Variants in RASA1 observed in about 807,000 individuals in gnomAD.
RASA1 encodes the protein RAS p21 protein activator 1, also known as ras GTPase-activating protein 1.
Under a neutral mutation model 132.2 loss-of-function variants are expected in RASA1, and 25 were observed. That is an observed-to-expected ratio of 0.19 (90% CI 0.14 to 0.26). The LOEUF is 0.26. RASA1 is among the 10% of genes least tolerant of loss of function. The pLI is 1.00. For synonymous variants in RASA1, 477 were observed against 449.9 expected (o/e 1.06, Z -0.76); for missense variants, 964 against 1,299.2 (o/e 0.74, Z 3.97).
At chr5:87,378,712 A>G (rs1254536835) in intron 18 of RASA1, among the ~76,000 whole-genome samples, 174 bp downstream of exon 18, 1 of 152,212 alleles carries the variant, frequency 6.6e-6, no homozygotes, top group East Asian at 1.9e-4. Context: ...TGGACTTCTT[A>G]AAAAAGATGT....
chr5:87,346,845 G>T (rs542426877), intron 7 of RASA1, 121 bp downstream of exon 7: 9 of 690,962 alleles, frequency 1.3e-5, no homozygotes, highest in African/African-American at 3.6e-5. Flanking sequence ...TTATAATTTC[G>T]TGTCCAGTAC....
intron 1 of RASA1, 29 bp from the exon 2 acceptor site, chr5:87,331,319 T>G (rs1297252251): frequency 6.4e-7 from 1 of 1,569,256 alleles, no homozygotes; most frequent in Non-Finnish European, 8.8e-7. Flanking sequence ...GCTATTTATA[T>G]TGTAATATCT....
intron 11 of RASA1, among the ~76,000 whole-genome samples, chr5:87,364,601 C>G (rs1164469255): frequency 6.6e-6 from 1 of 151,958 alleles, no homozygotes; most frequent in East Asian, 1.9e-4. Context: ...TGAGATTTTT[C>G]TGCCCCTCTT....
intron 12 of RASA1, 54 bp from the exon 13 acceptor site, chr5:87,372,064 T>A: frequency 6.5e-7 from 1 of 1,527,982 alleles, no homozygotes. Context: ...ACTGATGATT[T>A]GGAAGCCAAA....
chr5:87,281,739 C>A (rs928483556), intron 1 of RASA1, among the ~76,000 whole-genome samples: 1 of 152,056 alleles, frequency 6.6e-6, no homozygotes, highest in Non-Finnish European at 1.5e-5. Context: ...TGCCACCACG[C>A]CCGGCAAATT....
chr5:87,384,142 G>C (rs546372874), intron 21 of RASA1, among the ~76,000 whole-genome samples: 1 of 152,100 alleles, frequency 6.6e-6, no homozygotes, highest in East Asian at 1.9e-4. Flanking sequence ...CTGCCAGCTA[G>C]ATCTTCAAGA....
intron 9 of RASA1, among the ~76,000 whole-genome samples, chr5:87,359,818 A>C (rs1269691106): frequency 6.6e-6 from 1 of 152,226 alleles, no homozygotes; most frequent in Non-Finnish European, 1.5e-5. Context: ...AAAATGTAGT[A>C]AGAATTTAAA....
intron 1 of RASA1, among the ~76,000 whole-genome samples, chr5:87,308,148 C>T (rs981410328): frequency 6.6e-6 from 1 of 151,756 alleles, no homozygotes; most frequent in Non-Finnish European, 1.5e-5. Context: ...GTCTCACCAG[C>T]TTTGTGAGAC....
chr5:87,349,186 G>A, intron 7 of RASA1, 28 bp from the exon 8 acceptor site: 1 of 1,608,678 alleles, frequency 6.2e-7, no homozygotes, highest in Non-Finnish European at 8.5e-7. Context: ...TGATAATTAG[G>A]GAAAAACTAA....
chr5:87,324,580 A>G (rs147586255), intron 1 of RASA1, among the ~76,000 whole-genome samples: 6 of 152,306 alleles, frequency 3.9e-5, no homozygotes, highest in African/African-American at 1.4e-4. Flanking sequence ...ACCTGTTGAA[A>G]AAGGAAACAG....
At chr5:87,348,747 C>T (rs1759044286) in intron 7 of RASA1, among the ~76,000 whole-genome samples, 1 of 151,880 alleles carries the variant, frequency 6.6e-6, no homozygotes, top group South Asian at 2.1e-4. Context: ...GCATGTACCA[C>T]TGTGCCTAGC....
chr5:87,270,646 CTTTTTTTTTTTTTTTTTTTT>C (rs70996415), intron 1 of RASA1, among the ~76,000 whole-genome samples: 49 of 71,772 alleles, frequency 6.8e-4, no homozygotes, highest in African/African-American at 1.2e-3. Flanking sequence ...GGTGCCCGGC[CTTTTTTTTTTTTTTTTTTTT>C]TTTTTTTTTT....
In RASA1 at chr5:87,332,508, A is replaced by G. The variant is rs201997632; in HGVS notation, c.694A>G (p.Ile232Val). 2 of 1,606,366 alleles carry G rather than the reference A, an allele frequency of 1.2e-6. No individual in the cohort carries two copies. The highest frequency in any genetic ancestry group is 2.2e-5 in the East Asian group (1 of 44,620). ...CTGTATTTTTTCCTGTTCAAATAGG[A>G]TTATTGCTATGTGTGGAGATTACTA... is the stretch of plus-strand genomic sequence containing the variant. Reference protein sequence around the residue: ...SQMNVVNHFRIIAMCGDYYIG... With the variant: ...SQMNVVNHFRVIAMCGDYYIG... Residue 232 changes from isoleucine to valine, a missense_variant and splice_region_variant, in exon 3 of 25, where the codon ATT becomes GTT. Around this residue, in one of 6 missense-constraint regions of RASA1, gnomAD observed 154 missense variants for 286.5 expected, o/e 0.54. Transcript: ENST00000274376.
chr5:87,365,426 ATTAC>A (rs1219072366), intron 11 of RASA1, among the ~76,000 whole-genome samples: 1 of 152,088 alleles, frequency 6.6e-6, no homozygotes, highest in Non-Finnish European at 1.5e-5. Flanking sequence ...TACTCTGAAT[ATTAC>A]TTTATTCACA....
chr5:87,371,608 C>T (rs1009833000), intron 12 of RASA1, among the ~76,000 whole-genome samples: 1 of 151,906 alleles, frequency 6.6e-6, no homozygotes, highest in African/African-American at 2.4e-5. Context: ...ACCCAAATCC[C>T]CTTATACATT....
intron 1 of RASA1, 135 bp downstream of exon 1, chr5:87,269,125 G>A (rs1753708243): frequency 6.2e-7 from 1 of 1,613,394 alleles, no homozygotes; most frequent in South Asian, 1.1e-5. Context: ...GGTTTCTTGG[G>A]TAGGAATTTA....
Position 87,333,255 on chromosome 5 carries a change from T to A in RASA1, c.829-12T>A, listed in dbSNP as rs187379673. ...CTATCTTTTTAAATCTTTTTTTTTTTATGGTTTCTAGCCAGTAGAAGATAG... is the reference window on the plus strand; with the variant it reads ...CTATCTTTTTAAATCTTTTTTTTTTAATGGTTTCTAGCCAGTAGAAGATAG... On this transcript the variant is annotated splice_polypyrimidine_tract_variant and intron_variant, in intron 3 of 24. Transcript: ENST00000274376. 798 of 1,610,874 alleles carry A rather than the reference T, an allele frequency of 5.0e-4. 1 individual carries two copies. In the African/African-American group the frequency reaches 9.5e-3, roughly 19 times the overall value.
intron 5 of RASA1, among the ~76,000 whole-genome samples, chr5:87,338,537 T>TATATATATATATATATATATATA (rs1421369290): frequency 2.5e-5 from 2 of 79,794 alleles, no homozygotes; most frequent in Non-Finnish European, 5.3e-5. Context: ...ATATATAAAA[T>TATATATATATATATATATATATA]TTTTTTTTTT....
intron 17 of RASA1, 178 bp downstream of exon 17, chr5:87,377,218 T>G (rs1761387742): frequency 3.9e-6 from 3 of 770,846 alleles, no homozygotes; most frequent in Non-Finnish European, 4.2e-6. Context: ...TTGGTTACTA[T>G]GGGAAGCTGA....
Sources: allele counts gnomAD v4.1 joint callset (sites outside exome capture counted in the v4.1 genomes callset), GRCh38; gene constraint gnomAD v4.1.1; regional missense constraint gnomAD v4.1.1; transcripts MANE v1.5; gene names NCBI Gene and HGNC (gene_info 2026-07-23, HGNC 2026-07-21).